ANKS1B: variants seen among roughly 807,000 people sequenced by gnomAD.
ANKS1B encodes the protein ankyrin repeat and sterile alpha motif domain containing 1B, also known as ankyrin repeat and sterile alpha motif domain-containing protein 1B.
Under a neutral mutation model 148.3 loss-of-function variants are expected in ANKS1B, and 36 were observed. The ratio of observed to expected loss-of-function variants is 0.24; its 90% CI spans 0.19 to 0.32. ANKS1B has a LOEUF of 0.32. Among genes scored for constraint, ANKS1B ranks in the 10% least tolerant of loss-of-function variants. The pLI, the probability that ANKS1B is intolerant of heterozygous loss-of-function variation, is 1.00. For missense variants in ANKS1B, 1,157 were observed against 1,542.6 expected, an observed-to-expected ratio of 0.75 and a Z score of 4.19; for synonymous variants, 542 against 560.8, an observed-to-expected ratio of 0.97 and a Z score of 0.47.
intron 9 of ANKS1B, among the ~76,000 whole-genome samples, chr12:99,517,560 A>G (rs1394201318): frequency 7.8e-6 from 1 of 128,636 alleles, no homozygotes. Flanking sequence ...TCTAGTAAAA[A>G]TACAAAAAAA....
intron 9 of ANKS1B, among the ~76,000 whole-genome samples, chr12:99,643,733 T>A (rs996807370): frequency 3.9e-5 from 6 of 152,206 alleles, no homozygotes; most frequent in Admixed American, 3.9e-4. Flanking sequence ...ACTGTGGGTC[T>A]CCCAGGTATG....
At chr12:99,693,574 G>A (rs1028342269) in intron 8 of ANKS1B, among the ~76,000 whole-genome samples, 6 of 152,094 alleles carry the variant, frequency 3.9e-5, no homozygotes, top group Admixed American at 2.6e-4. Flanking sequence ...AATTAAAGCT[G>A]ACCTTATCTG....
At chr12:99,311,986 G>C (rs1231672304) in intron 12 of ANKS1B, among the ~76,000 whole-genome samples, 1 of 152,106 alleles carries the variant, frequency 6.6e-6, no homozygotes, top group Non-Finnish European at 1.5e-5. Context: ...AATGAAAAAA[G>C]TATGATAGCG....
chr12:99,450,228 C>T (rs2095709394), intron 10 of ANKS1B, among the ~76,000 whole-genome samples: 2 of 152,140 alleles, frequency 1.3e-5, no homozygotes, highest in Admixed American at 1.3e-4. Context: ...TTTACTCGGC[C>T]TTTTTGTTCA....
intron 17 of ANKS1B, among the ~76,000 whole-genome samples, chr12:98,911,993 G>C (rs2099787501): frequency 6.6e-6 from 1 of 152,166 alleles, no homozygotes; most frequent in Admixed American, 6.5e-5. Flanking sequence ...TGCCTGGAAG[G>C]CTGTTCTTCT....
intron 15 of ANKS1B, among the ~76,000 whole-genome samples, chr12:99,096,101 C>G (rs995038971): frequency 1.3e-5 from 2 of 152,136 alleles, no homozygotes; most frequent in Non-Finnish European, 2.9e-5. Flanking sequence ...AAATGTTACT[C>G]TTGAAATCCA....
chr12:99,882,086 C>A (rs2092544730), intron 1 of ANKS1B, among the ~76,000 whole-genome samples: 1 of 152,052 alleles, frequency 6.6e-6, no homozygotes, highest in Non-Finnish European at 1.5e-5. Flanking sequence ...TGAAGAAGAA[C>A]CAAATGGAAA....
At chr12:99,607,640 C>T (rs904873) in intron 9 of ANKS1B, among the ~76,000 whole-genome samples, 5,792 of 152,152 alleles carry the variant, frequency 0.038, 389 homozygotes, top group African/African-American at 0.13. Context: ...TGGCGGGACA[C>T]GTTACCTGCT....
chr12:98,832,363 T>C lies in ANKS1B; in HGVS notation c.2779-227A>G, dbSNP rs562595170. On this transcript the variant is annotated intron_variant, in intron 17 of 26. Transcript: ENST00000683438. ...CAAAGAGAAGGGAGGATGGTTCTCC[T>C]TCCACTCATGCTGCCTGAGAGCCTC... Among the ~76,000 whole-genome samples, 3 of 152,252 alleles carry C rather than the reference T, an allele frequency of 2.0e-5. No individual in the cohort carries two copies. In the South Asian group the frequency reaches 6.2e-4, roughly 32 times the overall value.
intron 10 of ANKS1B, among the ~76,000 whole-genome samples, chr12:99,496,548 T>C (rs1409062631): frequency 6.6e-6 from 1 of 152,190 alleles, no homozygotes; most frequent in African/African-American, 2.4e-5. Flanking sequence ...ATTTAATAAG[T>C]CCAGTACTAG....
chr12:99,658,552 G>A (rs956332169), intron 8 of ANKS1B, among the ~76,000 whole-genome samples: 10 of 151,970 alleles, frequency 6.6e-5, no homozygotes, highest in African/African-American at 2.4e-4. Context: ...TTCACCTTGA[G>A]TTGATAGATG....
At chr12:99,862,719 C>T (rs191973108) in intron 1 of ANKS1B, among the ~76,000 whole-genome samples, 54 of 152,278 alleles carry the variant, frequency 3.5e-4, no homozygotes, top group Non-Finnish European at 6.3e-4. Context: ...TTTTCATCTT[C>T]CTGCCCAATA....
chr12:99,744,991 CAAAAAAAAAA>C (rs55904412), intron 8 of ANKS1B, among the ~76,000 whole-genome samples: 3 of 52,082 alleles, frequency 5.8e-5, no homozygotes, highest in Admixed American at 3.0e-4. Flanking sequence ...GACTCTGTCT[CAAAAAAAAAA>C]AAAAAAAAAA....
chr12:99,159,146 G>A (rs960203906), intron 14 of ANKS1B, among the ~76,000 whole-genome samples: 1 of 152,126 alleles, frequency 6.6e-6, no homozygotes, highest in African/African-American at 2.4e-5. Context: ...GTGGCTCAAC[G>A]ATTTTGCTTA....
chr12:99,536,542 T>C (rs1468589854), intron 9 of ANKS1B, among the ~76,000 whole-genome samples: 2 of 152,304 alleles, frequency 1.3e-5, no homozygotes, highest in East Asian at 3.9e-4. Context: ...AAATAAAAAA[T>C]ATTTCCATAA....
intron 10 of ANKS1B, among the ~76,000 whole-genome samples, chr12:99,465,842 T>G (rs996676171): frequency 6.6e-6 from 1 of 152,114 alleles, no homozygotes; most frequent in Non-Finnish European, 1.5e-5. Context: ...ACAATAATAA[T>G]GGGAGACTAT....
At chr12:98,758,259 A>G (rs1169786885) in intron 25 of ANKS1B, among the ~76,000 whole-genome samples, 1 of 152,186 alleles carries the variant, frequency 6.6e-6, no homozygotes, top group African/African-American at 2.4e-5. Flanking sequence ...CAGAAAGGTT[A>G]AATAACTTGC....
intron 12 of ANKS1B, among the ~76,000 whole-genome samples, chr12:99,286,432 G>A (rs975984021): frequency 6.6e-6 from 1 of 152,060 alleles, no homozygotes; most frequent in Admixed American, 6.6e-5. Flanking sequence ...TAGGCCTTGG[G>A]TAAGACCCAG....
intron 9 of ANKS1B, among the ~76,000 whole-genome samples, chr12:99,533,682 C>T (rs112611733): frequency 6.6e-6 from 1 of 152,100 alleles, no homozygotes; most frequent in African/African-American, 2.4e-5. Flanking sequence ...TCATATATGG[C>T]TCTTATCATT....
Sources: allele counts gnomAD v4.1 joint callset (sites outside exome capture counted in the v4.1 genomes callset), GRCh38; gene constraint gnomAD v4.1.1; transcripts MANE v1.5; gene names NCBI Gene and HGNC (gene_info 2026-07-23, HGNC 2026-07-21).